Variants in SYDE2 observed in about 807,000 individuals in gnomAD.
SYDE2 encodes synapse defective Rho GTPase homolog 2.
Under a neutral mutation model 91.5 loss-of-function variants are expected in SYDE2, and 76 were observed. The ratio of observed to expected loss-of-function variants is 0.83; its 90% CI spans 0.69 to 1.01. The LOEUF (loss-of-function observed/expected upper bound fraction) is 1.01. SYDE2 is among the 50% of genes least tolerant of loss of function. The pLI is 0.00. For synonymous variants in SYDE2, 513 were observed against 506.4 expected, an observed-to-expected ratio of 1.01 and a Z score of -0.18; for missense variants, 1,364 against 1,367.7, an observed-to-expected ratio of 1.00 and a Z score of 0.04.
intron 6 of SYDE2, among the ~76,000 whole-genome samples, chr1:85,159,514 T>G (rs937918124): frequency 4.6e-5 from 7 of 152,238 alleles, no homozygotes. Flanking sequence ...CAATGTCGAT[T>G]AATTTTCTAT....
rs778592340 is a variant in SYDE2 at position 85,182,501 on chromosome 1, G to C, written c.2141C>G (p.Ala714Gly). ...TCGGCATGTGAGCAAAGCTGTTCTTGCTTTGTTTACTGAATCTACCTGAAT... is the reference window on the plus strand; with the variant it reads ...TCGGCATGTGAGCAAAGCTGTTCTTCCTTTGTTTACTGAATCTACCTGAAT... Reference protein sequence around the residue: ...CAIQVDSVNKARTALLTCRTT... With the variant: ...CAIQVDSVNKGRTALLTCRTT... The change falls in exon 3 of 7, where the codon GCA becomes GGA. Residue 714 changes from alanine to glycine, a missense_variant. Physicochemically the swap from Ala to Gly is moderately conservative, Grantham distance 60. Transcript: ENST00000341460. 1.2e-6 allele frequency: 2 copies of C among 1,613,772 alleles called. No individual in the cohort carries two copies. Among genetic ancestry groups the C allele is most frequent in the Admixed American group, 1.7e-5 (1 of 59,992 alleles).
rs755476580 is a variant in SYDE2, at chr1:85,178,131, A to C, written c.2671+15T>G. 6.5e-7 allele frequency: 1 copy of C among 1,545,694 alleles called. No homozygotes were observed. The highest frequency in any genetic ancestry group is 1.2e-5 in the South Asian group (1 of 82,652). On this transcript the variant is annotated intron_variant, in intron 4 of 6. Coordinates refer to ENST00000341460, the MANE Select transcript of SYDE2 (RefSeq NM_032184.2). Reference sequence around the variant, plus strand: ...CTTTCCAGAAAGAGTACATAAAATAAAATCTATTTATTACCTGTTATTACA... The same window carrying C: ...CTTTCCAGAAAGAGTACATAAAATACAATCTATTTATTACCTGTTATTACA...
intron 5 of SYDE2, among the ~76,000 whole-genome samples, chr1:85,165,730 G>A (rs1452589605): frequency 1.3e-5 from 2 of 151,706 alleles, no homozygotes; most frequent in Non-Finnish European, 2.9e-5. Context: ...AAAGTGGAAT[G>A]GTTATTTAGG....
At chr1:85,188,056 A>C (rs1193751419) in intron 2 of SYDE2, among the ~76,000 whole-genome samples, 1 of 152,122 alleles carries the variant, frequency 6.6e-6, no homozygotes, top group African/African-American at 2.4e-5. Flanking sequence ...ATAGTCACTT[A>C]AATCAAGGTG....
At chr1:85,173,253 T>C (rs545558614) in intron 4 of SYDE2, among the ~76,000 whole-genome samples, 6 of 152,024 alleles carry the variant, frequency 3.9e-5, no homozygotes, top group East Asian at 3.9e-4. Context: ...GAGAATGCCA[T>C]GTGAAGATAG....
In SYDE2 at chr1:85,182,628, G is replaced by T; in HGVS notation, c.2014C>A (p.Pro672Thr). ...AFRHYSFSDQ[P>T]KCSQYISGLM... Reference sequence around the variant, plus strand: ...CCAGATATGTACTGTGAACACTTAGGTTGATCAGAAAAGCTATAATGCCTA... The same window carrying T: ...CCAGATATGTACTGTGAACACTTAGTTTGATCAGAAAAGCTATAATGCCTA... The change falls in exon 3 of 7, where the codon CCT becomes ACT. Residue 672 changes from proline (P) to threonine (T), a missense_variant. Physicochemically the swap from Pro to Thr is conservative, Grantham distance 38. Coordinates refer to ENST00000341460, the MANE Select transcript of SYDE2 (RefSeq NM_032184.2). 1 of 1,613,836 alleles carries T rather than the reference G, an allele frequency of 6.2e-7. No homozygotes were observed. Among genetic ancestry groups the T allele is most frequent in the South Asian group, 1.1e-5 (1 of 91,076 alleles).
At chr1:85,164,813 C>A in intron 5 of SYDE2, 56 bp from the exon 6 acceptor site, 1 of 1,001,406 alleles carries the variant, frequency 1.0e-6, no homozygotes, top group Non-Finnish European at 1.3e-6. Context: ...TTCAAGGACA[C>A]AATTTATAGC....
Position 85,190,058 on chromosome 1 carries a change from T to C in SYDE2, c.1440A>G (p.Ala480=), listed in dbSNP as rs953823864. The C allele has an allele frequency of 2.5e-6, 4 of 1,585,496 alleles. No homozygotes were observed. Among genetic ancestry groups the C allele is most frequent in the Non-Finnish European group, 3.4e-6 (4 of 1,163,858 alleles). Residue 480 remains alanine, a splice_region_variant and synonymous_variant, in exon 2 of 7, where the codon GCA becomes GCG. Transcript: ENST00000341460. ...AGACACATATATGATCATTTTTACC[T>C]GCAAAAGGAGATTTCAACATGGGAC... The part of the protein sequence containing the change: ...EDSPMLKSPF[A]GSGILAATNS...
At chr1:85,186,178 T>G (rs952817452) in intron 2 of SYDE2, among the ~76,000 whole-genome samples, 1 of 152,220 alleles carries the variant, frequency 6.6e-6, no homozygotes, top group African/African-American at 2.4e-5. Flanking sequence ...CTTTTTGATG[T>G]GCTGCTGGAT....
chr1:85,181,175 G>T (rs1051256399), intron 3 of SYDE2: 1 of 120,058 alleles, frequency 8.3e-6, no homozygotes, highest in Admixed American at 1.1e-4. Context: ...TTTTTGCAAC[G>T]GAGTCTCACT....
In SYDE2 at chr1:85,169,257, T is replaced by C. The variant is rs770975702; in HGVS notation, c.2672-32A>G. ...AAAACAAACCGCAGACAGTTGGTGA[T>C]TGGACTGCAGAGTGAAATAAAGAAC... On this transcript the variant is annotated intron_variant, in intron 4 of 6. Transcript: ENST00000341460. 8 of 1,563,632 alleles carry C rather than the reference T, an allele frequency of 5.1e-6. No individual in the cohort carries two copies. The Admixed American group carries it at 9.2e-5, about 18-fold the overall frequency.
At chr1:85,163,453 A>C (rs1427439401) in intron 6 of SYDE2, among the ~76,000 whole-genome samples, 19 of 112,936 alleles carry the variant, frequency 1.7e-4, no homozygotes, top group South Asian at 2.4e-4. Context: ...ATCTATATAT[A>C]TATATATATA....
At chr1:85,159,937 C>T (rs1656996614) in intron 6 of SYDE2, 1 of 984,520 alleles carries the variant, frequency 1.0e-6, no homozygotes. Flanking sequence ...TAACATTTTC[C>T]ACATTAAGAC....
At chr1:85,191,683 A>T (rs2100688727) in intron 1 of SYDE2, among the ~76,000 whole-genome samples, 1 of 150,664 alleles carries the variant, frequency 6.6e-6, no homozygotes, top group South Asian at 2.1e-4. Flanking sequence ...GCTTGAACCC[A>T]GGAGGTGGAG....
At chr1:85,187,977 A>T (rs554873609) in intron 2 of SYDE2, among the ~76,000 whole-genome samples, 27 of 152,024 alleles carry the variant, frequency 1.8e-4, no homozygotes, top group Non-Finnish European at 3.8e-4. Flanking sequence ...TAACCTGTAC[A>T]TTGTGCACAT....
At chr1:85,196,975 G>A (rs535704257) in intron 1 of SYDE2, among the ~76,000 whole-genome samples, 15 of 152,264 alleles carry the variant, frequency 9.9e-5, no homozygotes, top group African/African-American at 2.6e-4. Context: ...CATGTAGCAG[G>A]AAAAGTGGAG....
Position 85,190,321 on chromosome 1 carries a change from C to T in SYDE2, c.1177G>A (p.Asp393Asn), listed in dbSNP as rs183800883. The change falls in exon 2 of 7, where the codon GAC becomes AAC. Residue 393 changes from aspartate to asparagine, a missense_variant. Transcript: ENST00000341460. ...GCAGGGAGCTTCAGAACAGCAGAGT[C>T]GGCCTCACCAAAACTCAAGGCACTT... is the stretch of plus-strand genomic sequence containing the variant. ...ISSALSFGEA[D>N]SAVLKLPAVN... 122 of 1,613,882 alleles carry T rather than the reference C, an allele frequency of 7.6e-5. 1 individual carries two copies. The Admixed American group carries it at 9.3e-4, about 12-fold the overall frequency.
intron 2 of SYDE2, among the ~76,000 whole-genome samples, chr1:85,188,474 C>A (rs1658239552): frequency 6.6e-6 from 1 of 152,168 alleles, no homozygotes; most frequent in Non-Finnish European, 1.5e-5. Context: ...ATTTACTCCA[C>A]CTTCCTATGT....
intron 1 of SYDE2, among the ~76,000 whole-genome samples, chr1:85,192,518 C>T (rs1658410377): frequency 6.6e-6 from 1 of 152,152 alleles, no homozygotes; most frequent in Non-Finnish European, 1.5e-5. Flanking sequence ...ACACAAATTG[C>T]AAGTCACATT....
Sources: allele counts gnomAD v4.1 joint callset (sites outside exome capture counted in the v4.1 genomes callset), GRCh38; gene constraint gnomAD v4.1.1; transcripts MANE v1.5; gene names NCBI Gene and HGNC (gene_info 2026-07-23, HGNC 2026-07-21).